GRID1: variants seen among roughly 807,000 people sequenced by gnomAD.
GRID1 encodes glutamate receptor ionotropic, delta-1.
A neutral mutation model predicts 98.0 loss-of-function variants in GRID1; 28 were observed. That is an observed-to-expected ratio of 0.29 (90% CI 0.21 to 0.39). GRID1 has a LOEUF of 0.39. Among genes scored for constraint, GRID1 ranks in the 10% least tolerant of loss-of-function variants. The pLI is 1.00. For synonymous variants in GRID1, 553 were observed against 538.5 expected (o/e 1.03, Z -0.37); for missense variants, 1,111 against 1,340.5 (o/e 0.83, Z 2.67).
intron 3 of GRID1, among the ~76,000 whole-genome samples, chr10:86,187,930 A>C (rs1845748666): frequency 6.6e-6 from 1 of 152,180 alleles, no homozygotes; most frequent in Admixed American, 6.5e-5. Flanking sequence ...ATGGAAGGGA[A>C]ATAAGTCTTG....
intron 4 of GRID1, among the ~76,000 whole-genome samples, chr10:85,987,994 T>C (rs552054349): frequency 1.3e-5 from 2 of 152,280 alleles, no homozygotes; most frequent in East Asian, 3.9e-4. Context: ...CCCCTGTACC[T>C]AACACAGAGA....
chr10:85,730,954 A>G (rs1459032061), intron 8 of GRID1, among the ~76,000 whole-genome samples: 1 of 152,194 alleles, frequency 6.6e-6, no homozygotes, highest in Admixed American at 6.5e-5. Flanking sequence ...GTCAGGGAAA[A>G]TCCATAAGAC....
chr10:85,691,483 C>T (rs1841331650), intron 12 of GRID1, among the ~76,000 whole-genome samples: 1 of 152,102 alleles, frequency 6.6e-6, no homozygotes, highest in Admixed American at 6.5e-5. Context: ...GCCTGCTGTC[C>T]CTCCTCACTG....
At chr10:85,857,758 G>C (rs182320575) in intron 6 of GRID1, among the ~76,000 whole-genome samples, 1 of 152,120 alleles carries the variant, frequency 6.6e-6, no homozygotes, top group African/African-American at 2.4e-5. Flanking sequence ...AGCCTCACAG[G>C]ACTCCTGGGA....
intron 4 of GRID1, among the ~76,000 whole-genome samples, chr10:86,124,999 C>T (rs1249198282): frequency 1.3e-5 from 2 of 152,204 alleles, no homozygotes; most frequent in Non-Finnish European, 2.9e-5. Flanking sequence ...AGGGAGCAAT[C>T]ATAAGATGAG....
At chr10:85,751,814 TA>T (rs1842048602) in intron 8 of GRID1, among the ~76,000 whole-genome samples, 1 of 152,160 alleles carries the variant, frequency 6.6e-6, no homozygotes. Flanking sequence ...TTAATGCATT[TA>T]AAAAACTTTC....
intron 4 of GRID1, among the ~76,000 whole-genome samples, chr10:85,980,627 C>T (rs182314108): frequency 1.8e-4 from 27 of 152,286 alleles, no homozygotes; most frequent in Admixed American, 1.5e-3. Flanking sequence ...AAAACACACT[C>T]GTGTTCCCAT....
chr10:86,206,617 G>A lies in GRID1; in HGVS notation c.267C>T (p.Ala89=). 2 of 1,614,092 alleles carry A rather than the reference G, an allele frequency of 1.2e-6. No individual in the cohort carries two copies. The highest frequency in any genetic ancestry group is 1.7e-6 in the Non-Finnish European group (2 of 1,179,974). ...ATGCACAGCCAGTGGACGTGACCAA[G>A]GCCAAAATCCCCTGGGTCATGAGGT... ...ACDLMTQGIL[A]LVTSTGCASA... is the part of the protein sequence containing the mutation. The change falls in exon 3 of 16, where the codon GCC becomes GCT. Residue 89 remains alanine, a synonymous_variant. Coordinates refer to ENST00000327946, the MANE Select transcript of GRID1 (RefSeq NM_017551.3). The surrounding 1 kb of genome is among the most constrained non-coding windows in gnomAD (Gnocchi z 4.1).
chr10:86,267,703 T>C (rs1207757960), intron 2 of GRID1, among the ~76,000 whole-genome samples: 1 of 152,028 alleles, frequency 6.6e-6, no homozygotes, highest in Admixed American at 6.5e-5. Flanking sequence ...GGACATGACA[T>C]CCCACCCACA....
chr10:86,221,518 G>T lies in GRID1; in HGVS notation c.236-14870C>A, dbSNP rs146147883. 2.4e-3 allele frequency among the ~76,000 whole-genome samples: 373 copies of T among 152,260 alleles called. 1 individual carries two copies. Among genetic ancestry groups the T allele is most frequent in the Admixed American group, 7.1e-3 (108 of 15,304 alleles). On this transcript the variant is annotated intron_variant, in intron 2 of 15. Transcript: ENST00000327946. ...GTGGGCTGTGGGCTGTGGGAGTGGT[G>T]GAGGTCCAGCAGGTGGAGTGGGGGT... is the stretch of plus-strand genomic sequence containing the variant.
At chr10:85,978,614 G>GAA (rs554042641) in intron 4 of GRID1, among the ~76,000 whole-genome samples, 8,145 of 146,330 alleles carry the variant, frequency 0.056, 262 homozygotes, top group Middle Eastern at 0.11. Flanking sequence ...TACTTTAACA[G>GAA]AAAAAAAAAA....
At chr10:85,950,367 CG>C (rs1303968684) in intron 4 of GRID1, among the ~76,000 whole-genome samples, 1 of 152,194 alleles carries the variant, frequency 6.6e-6, no homozygotes, top group African/African-American at 2.4e-5. Flanking sequence ...TTTAATAGCA[CG>C]TGCTAGCCAG....
chr10:85,801,481 A>G (rs1039074215), intron 8 of GRID1, among the ~76,000 whole-genome samples: 4 of 151,930 alleles, frequency 2.6e-5, no homozygotes, highest in African/African-American at 9.6e-5. Context: ...AGTGTTAAAA[A>G]TCTTTAAAAC....
intron 4 of GRID1, among the ~76,000 whole-genome samples, chr10:85,967,388 G>C (rs528764202): frequency 2.0e-5 from 3 of 152,272 alleles, no homozygotes; most frequent in East Asian, 3.9e-4. Context: ...CCAGGATAAA[G>C]GGGACTTATT....
In GRID1 at chr10:86,366,196, G is replaced by C. The variant is rs1422772888; in HGVS notation, c.79+118C>G. 1.7e-5 allele frequency: 9 copies of C among 541,686 alleles called. No homozygotes were observed. Among genetic ancestry groups the C allele is most frequent in the Non-Finnish European group, 2.2e-5 (8 of 357,442 alleles). The allele number at this position is 541,686 out of a possible 1,614,324, so 33.6% of individuals were successfully genotyped here. On this transcript the variant is annotated intron_variant, in intron 1 of 15. Coordinates refer to ENST00000327946, the MANE Select transcript of GRID1 (RefSeq NM_017551.3). The surrounding 1 kb of genome is among the most constrained non-coding windows in gnomAD (Gnocchi z 4.1). Reference sequence around the variant, plus strand: ...GCCGGGCGGCGCGGCGCGGCCCTTCGGGGGAGCACCGCCCGCCGAGCCCCT... The same window carrying C: ...GCCGGGCGGCGCGGCGCGGCCCTTCCGGGGAGCACCGCCCGCCGAGCCCCT...
chr10:86,001,199 G>C (rs1842798810), intron 4 of GRID1, among the ~76,000 whole-genome samples: 1 of 152,160 alleles, frequency 6.6e-6, no homozygotes, highest in South Asian at 2.1e-4. Flanking sequence ...GTAGGAAAAT[G>C]CTGTCACTGT....
intron 8 of GRID1, among the ~76,000 whole-genome samples, chr10:85,774,050 C>T (rs1051922627): frequency 1.3e-5 from 2 of 152,202 alleles, no homozygotes; most frequent in African/African-American, 4.8e-5. Context: ...AAGCTGTAGG[C>T]ATCACGCTAT....
intron 5 of GRID1, among the ~76,000 whole-genome samples, chr10:85,907,983 T>C (rs547492545): frequency 1.2e-4 from 18 of 152,320 alleles, no homozygotes; most frequent in Non-Finnish European, 1.9e-4. Context: ...TCCATTATCA[T>C]TTCCTGATAA....
rs778828614 is a variant in GRID1 at position 85,602,550 on chromosome 10, C to T, written c.2753G>A (p.Arg918Gln). Residue 918 changes from arginine to glutamine, a missense_variant, in exon 16 of 16, where the codon CGG becomes CAG. Physicochemically the swap from Arg to Gln is conservative, Grantham distance 43. Transcript: ENST00000327946. Reference sequence around the variant, plus strand: ...CGAGAGCTGGGTGTTCTGGTACTCCCGTGTCGGCTCCAAGGTCTGGGTGGG... The same window carrying T: ...CGAGAGCTGGGTGTTCTGGTACTCCTGTGTCGGCTCCAAGGTCTGGGTGGG... ...LAPTQTLEPT[R>Q]EYQNTQLSVS... 320 of 1,613,882 alleles carry T rather than the reference C, an allele frequency of 2.0e-4. No homozygotes were observed. Among genetic ancestry groups the T allele is most frequent in the Non-Finnish European group, 2.4e-4 (283 of 1,180,000 alleles).
Sources: gnomAD v4.1 joint callset for allele counts (sites outside exome capture counted in the v4.1 genomes callset) on GRCh38, gnomAD v4.1.1 for gene constraint, Gnocchi (gnomAD v3.1) non-coding constraint, MANE v1.5 for transcripts, NCBI Gene and HGNC (gene_info 2026-07-23, HGNC 2026-07-21) for gene names.